Variants in ELMO1 observed in about 807,000 individuals in gnomAD.
ELMO1 encodes engulfment and cell motility 1.
A neutral mutation model predicts 98.9 loss-of-function variants in ELMO1; 26 were observed. The observed-to-expected ratio is 0.26, with a 90% CI of 0.19 to 0.36. ELMO1 has a LOEUF of 0.36. ELMO1 is among the 10% of genes least tolerant of loss of function. The pLI is 1.00. For synonymous variants in ELMO1, 346 were observed against 346.0 expected, an observed-to-expected ratio of 1.00 and a Z score of 0.00; for missense variants, 627 against 935.2, an observed-to-expected ratio of 0.67 and a Z score of 4.30.
intron 1 of ELMO1, among the ~76,000 whole-genome samples, chr7:37,398,642 G>C (rs547661307): frequency 1.5e-4 from 22 of 148,860 alleles, no homozygotes; most frequent in Admixed American, 6.1e-4. Flanking sequence ...ATGCGGGATG[G>C]GAGGACACCC....
chr7:37,143,039 T>C (rs959986668), intron 13 of ELMO1, among the ~76,000 whole-genome samples: 1 of 152,206 alleles, frequency 6.6e-6, no homozygotes, highest in African/African-American at 2.4e-5. Flanking sequence ...ACAAAGTAAT[T>C]GAGTTTTAGG....
chr7:36,890,078 C>G (rs1329112557), intron 17 of ELMO1, among the ~76,000 whole-genome samples: 1 of 152,128 alleles, frequency 6.6e-6, no homozygotes, highest in African/African-American at 2.4e-5. Context: ...AGGTAATAAC[C>G]CCATGGGCTA....
chr7:37,162,847 T>G (rs1306307122), intron 13 of ELMO1, among the ~76,000 whole-genome samples: 1 of 152,180 alleles, frequency 6.6e-6, no homozygotes, highest in African/African-American at 2.4e-5. Flanking sequence ...GGTTCTTTTT[T>G]CCACTAGACA....
intron 15 of ELMO1, among the ~76,000 whole-genome samples, chr7:37,075,028 G>A (rs1797489538): frequency 6.6e-6 from 1 of 152,166 alleles, no homozygotes; most frequent in South Asian, 2.1e-4. Context: ...CCATTCCCTG[G>A]ATTGTGTGTG....
chr7:37,351,547 G>A (rs1446393155), intron 1 of ELMO1, among the ~76,000 whole-genome samples: 1 of 152,184 alleles, frequency 6.6e-6, no homozygotes, highest in East Asian at 1.9e-4. Flanking sequence ...AAGGGAACAA[G>A]GACAGAAGGC....
intron 13 of ELMO1, among the ~76,000 whole-genome samples, chr7:37,187,411 C>G (rs1467787619): frequency 6.6e-6 from 1 of 152,060 alleles, no homozygotes; most frequent in African/African-American, 2.4e-5. Flanking sequence ...ACTAAAAGCA[C>G]CCAAACTGTA....
chr7:37,290,848 T>A (rs1433889213), intron 4 of ELMO1, among the ~76,000 whole-genome samples: 1 of 129,416 alleles, frequency 7.7e-6, no homozygotes, highest in African/African-American at 2.6e-5. Flanking sequence ...AGCAGGGTGA[T>A]TTTGATGATG....
chr7:37,029,087 G>C (rs1794740837), intron 15 of ELMO1, among the ~76,000 whole-genome samples: 1 of 152,132 alleles, frequency 6.6e-6, no homozygotes, highest in South Asian at 2.1e-4. Flanking sequence ...CAGCCAGAGA[G>C]AGGCAGAGCC....
intron 14 of ELMO1, 138 bp downstream of exon 14, chr7:37,132,989 ATTT>A (rs5883589): frequency 2.1e-3 from 928 of 449,408 alleles, no homozygotes; most frequent in South Asian, 2.9e-3. Context: ...CTTAATTCTG[ATTT>A]TTTTTTTTTT....
rs181298630 is a variant in ELMO1 at position 37,110,433 on chromosome 7, G to A, written c.1192-13706C>T. ...AACATCCTTACACAGCAACTTTTAC[G>A]CTGATTTGCAAAATGATTTATTTTA... On this transcript the variant is annotated intron_variant, in intron 14 of 21. Transcript: ENST00000310758. 2.7e-3 allele frequency among the ~76,000 whole-genome samples: 414 copies of A among 152,196 alleles called. 2 individuals carry two copies. The Middle Eastern group carries it at 0.034, about 13-fold the overall frequency.
rs1278849105 is a variant in ELMO1, at chr7:37,161,919, T to TAC, written c.1087-28686_1087-28685insGT. On this transcript the variant is annotated intron_variant, in intron 13 of 21. Transcript: ENST00000310758. ...TCAGGTAATCAAATATATATATATA[T>TAC]ATATATATATATATATGTTAAGCGT... Among the ~76,000 whole-genome samples the TAC allele has an allele frequency of 1.3e-4, 12 of 89,886 alleles. 2 individuals are homozygous for TAC. The highest frequency in any genetic ancestry group is 2.6e-4 in the Non-Finnish European group (11 of 42,584). The allele number at this position is 89,886 out of a possible 152,430, so 59.0% of individuals were successfully genotyped here. A position where few individuals can be genotyped will look rare whatever the true frequency, so the allele number is the denominator to read the frequency against.
At chr7:37,222,158 T>G (rs73690153) in intron 10 of ELMO1, among the ~76,000 whole-genome samples, 246 of 152,248 alleles carry the variant, frequency 1.6e-3, no homozygotes, top group African/African-American at 5.4e-3. Flanking sequence ...CCTCTTACCT[T>G]CCATCACCTC....
intron 13 of ELMO1, among the ~76,000 whole-genome samples, chr7:37,182,231 C>T (rs1197304912): frequency 1.3e-5 from 2 of 152,104 alleles, no homozygotes; most frequent in Non-Finnish European, 2.9e-5. Context: ...AGCTTCACAT[C>T]CTCTCAGAGT....
intron 15 of ELMO1, among the ~76,000 whole-genome samples, chr7:37,092,063 G>A (rs1784125863): frequency 6.6e-6 from 1 of 152,008 alleles, no homozygotes; most frequent in South Asian, 2.1e-4. Flanking sequence ...TCTGACTGGG[G>A]CTGCCAATTA....
At chr7:37,321,900 C>G (rs907757894) in intron 2 of ELMO1, among the ~76,000 whole-genome samples, 5 of 148,958 alleles carry the variant, frequency 3.4e-5, no homozygotes, top group African/African-American at 1.2e-4. Context: ...CGTTGTCGCC[C>G]AGGTTGGTGT....
At chr7:37,444,715 C>T (rs764657802) in intron 1 of ELMO1, among the ~76,000 whole-genome samples, 1 of 152,164 alleles carries the variant, frequency 6.6e-6, no homozygotes, top group East Asian at 1.9e-4. Flanking sequence ...GGGGTTTCAC[C>T]GCCTTAGCCA....
intron 15 of ELMO1, among the ~76,000 whole-genome samples, chr7:37,013,796 G>C (rs1329227432): frequency 1.3e-5 from 2 of 152,160 alleles, no homozygotes. Flanking sequence ...CTCAGGCACA[G>C]CTCCTCCGTC....
chr7:37,346,557 A>G (rs1801019225), intron 1 of ELMO1, among the ~76,000 whole-genome samples: 1 of 152,200 alleles, frequency 6.6e-6, no homozygotes, highest in South Asian at 2.1e-4. Context: ...TGAATACTTG[A>G]GAGCTCTAAG....
At chr7:37,318,402 A>C (rs1657371030) in intron 2 of ELMO1, among the ~76,000 whole-genome samples, 1 of 152,304 alleles carries the variant, frequency 6.6e-6, no homozygotes, top group East Asian at 1.9e-4. Flanking sequence ...TGAAACAAAA[A>C]GTCAGGCCAA....
Sources: allele counts gnomAD v4.1 joint callset (sites outside exome capture counted in the v4.1 genomes callset), GRCh38; gene constraint gnomAD v4.1.1; transcripts MANE v1.5; gene names NCBI Gene and HGNC (gene_info 2026-07-23, HGNC 2026-07-21).